Variants in CCT2 observed in about 807,000 individuals in gnomAD.
CCT2 encodes the protein chaperonin containing TCP1 subunit 2, also known as T-complex protein 1 subunit beta.
A neutral mutation model predicts 61.8 loss-of-function variants in CCT2; 18 were observed. The observed-to-expected ratio is 0.29, with a 90% CI of 0.20 to 0.43. The LOEUF (loss-of-function observed/expected upper bound fraction) is 0.43. Ranked by LOEUF, CCT2 falls within the 20% of genes least tolerant of loss-of-function variation. The pLI, the probability that CCT2 is intolerant of heterozygous loss-of-function variation, is 1.00. For synonymous variants in CCT2, 248 were observed against 215.9 expected (o/e 1.15, Z -1.30); for missense variants, 556 against 656.9 (o/e 0.85, Z 1.68).
intron 1 of CCT2, chr12:69,585,820 C>T (rs865844206): frequency 7.4e-7 from 1 of 1,343,966 alleles, no homozygotes. Flanking sequence ...GTGTGGGACC[C>T]GCTCCGCCCT....
At chr12:69,597,363 A>T in intron 11 of CCT2, 88 bp downstream of exon 11, 1 of 1,452,910 alleles carries the variant, frequency 6.9e-7, no homozygotes, top group Middle Eastern at 1.8e-4. Context: ...CTAGAATAGC[A>T]TATCTTACAA....
intron 10 of CCT2, 140 bp from the exon 11 acceptor site, chr12:69,597,016 A>G: frequency 1.6e-6 from 1 of 637,728 alleles, no homozygotes; most frequent in Non-Finnish European, 2.6e-6. Flanking sequence ...GTATTTAAAA[A>G]GAGTGCCAGG....
At position 69,593,085 on chromosome 12, in the gene CCT2, T is replaced by C. The variant is rs2135854953; in HGVS notation, c.860T>C (p.Ile287Thr). Residue 287 changes from isoleucine to threonine, a missense_variant, in exon 9 of 16, where the codon ATA becomes ACA. Ile to Thr is a moderately conservative substitution (Grantham distance 89). This residue lies in a region of CCT2 where 308 missense variants were observed against 350.6 expected (regional missense o/e 0.88). Coordinates refer to ENST00000299300, the MANE Select transcript of CCT2 (RefSeq NM_006431.3). Reference sequence around the variant, plus strand: ...GTTGAACGTATTCTTAAGCATGGAATAAATTGCTTTATTAACAGGTCTGTG... The same window carrying C: ...GTTGAACGTATTCTTAAGCATGGAACAAATTGCTTTATTAACAGGTCTGTG... Reference protein sequence around the residue: ...EKVERILKHGINCFINRQLIY... With the variant: ...EKVERILKHGTNCFINRQLIY... 6 of 1,613,500 alleles carry C rather than the reference T, an allele frequency of 3.7e-6. No individual in the cohort carries two copies. Among genetic ancestry groups the C allele is most frequent in the Non-Finnish European group, 4.2e-6 (5 of 1,179,550 alleles).
chr12:69,586,959 CAG>C (rs1486762639), intron 3 of CCT2, 141 bp downstream of exon 3: 2 of 537,604 alleles, frequency 3.7e-6, no homozygotes, highest in African/African-American at 2.0e-5. Context: ...TAGTAAAAAT[CAG>C]AGTCCCCAGA....
chr12:69,599,662 C>T (rs553491024), intron 14 of CCT2: 291 of 349,482 alleles, frequency 8.3e-4, no homozygotes, highest in African/African-American at 5.7e-3. Flanking sequence ...GCTGGGAGTA[C>T]AGATGTGAGC....
Position 69,601,489 on chromosome 12 carries a change from C to A in CCT2, c.*164C>A. On this transcript the variant is annotated 3_prime_UTR_variant, in exon 16 of 16. Coordinates refer to ENST00000299300, the MANE Select transcript of CCT2 (RefSeq NM_006431.3). ...TTTAACATAGGTCTAATTTATTTGC[C>A]GTGTCATTTTCCATACAAATCAGTT... 1.3e-6 allele frequency: 2 copies of A among 1,483,804 alleles called. No homozygotes were observed. Among genetic ancestry groups the A allele is most frequent in the South Asian group, 1.3e-5 (1 of 75,028 alleles). The allele number at this position is 1,483,804 out of a possible 1,614,324, so 91.9% of individuals were successfully genotyped here. A position where few individuals can be genotyped will look rare whatever the true frequency, so the allele number is the denominator to read the frequency against.
chr12:69,585,930 C>G, intron 1 of CCT2: 2 of 1,273,850 alleles, frequency 1.6e-6, no homozygotes, highest in Non-Finnish European at 2.0e-6. Flanking sequence ...CGTTCCCTCG[C>G]CCGCCCGGCA....
At chr12:69,600,103 T>A in intron 15 of CCT2, 99 bp downstream of exon 15, 1 of 1,122,350 alleles carries the variant, frequency 8.9e-7, no homozygotes, top group Non-Finnish European at 1.2e-6. Flanking sequence ...CAGAGACAGT[T>A]TTGCCTGGAT....
intron 10 of CCT2, 77 bp from the exon 11 acceptor site, chr12:69,597,079 C>G (rs1195884947): frequency 7.6e-7 from 1 of 1,308,032 alleles, no homozygotes; most frequent in South Asian, 1.3e-5. Flanking sequence ...CTATCATTAT[C>G]TATCCATTAC....
At chr12:69,591,440 T>G (rs1188765479) in intron 7 of CCT2, among the ~76,000 whole-genome samples, 1 of 152,158 alleles carries the variant, frequency 6.6e-6, no homozygotes, top group East Asian at 1.9e-4. Context: ...TTTATCTGAC[T>G]CCACGGTGTC....
chr12:69,601,144 A>G (rs926032283), intron 15 of CCT2, 151 bp from the exon 16 acceptor site: 5 of 627,346 alleles, frequency 8.0e-6, no homozygotes, highest in East Asian at 3.1e-5. Context: ...TTCAGTTTCA[A>G]TGTGAGTGTT....
At chr12:69,590,327 A>T (rs982908731) in intron 7 of CCT2, among the ~76,000 whole-genome samples, 1 of 152,116 alleles carries the variant, frequency 6.6e-6, no homozygotes, top group African/African-American at 2.4e-5. Flanking sequence ...ATACTGGGGG[A>T]TGACTAGTTT....
chr12:69,588,112 T>C, intron 5 of CCT2, 38 bp from the exon 6 acceptor site: 1 of 1,568,572 alleles, frequency 6.4e-7, no homozygotes, highest in Non-Finnish European at 8.8e-7. Flanking sequence ...CTTAATAATT[T>C]TCTATTTATA....
chr12:69,593,138 A>G, intron 9 of CCT2, 35 bp downstream of exon 9: 1 of 1,569,492 alleles, frequency 6.4e-7, no homozygotes, highest in Non-Finnish European at 8.7e-7. Flanking sequence ...ATTTTTTTCC[A>G]TGAAAGTTTA....
At chr12:69,592,189 A>AT in intron 8 of CCT2, 30 bp downstream of exon 8, 1 of 1,295,180 alleles carries the variant, frequency 7.7e-7, no homozygotes, top group Non-Finnish European at 1.1e-6. Flanking sequence ...AAAAATTAAA[A>AT]TTACTGCCCA....
intron 9 of CCT2, 52 bp from the exon 10 acceptor site, chr12:69,593,458 G>A (rs1440806493): frequency 8.3e-7 from 1 of 1,207,514 alleles, no homozygotes; most frequent in Non-Finnish European, 1.2e-6. Flanking sequence ...GTCTAATGTA[G>A]TTTATCTTGT....
At chr12:69,591,611 C>T (rs1881837555) in intron 7 of CCT2, among the ~76,000 whole-genome samples, 2 of 152,190 alleles carry the variant, frequency 1.3e-5, no homozygotes, top group African/African-American at 2.4e-5. Flanking sequence ...ACAAAAGTTT[C>T]AAAATACTGT....
At chr12:69,597,483 A>G (rs1158733491) in intron 11 of CCT2, among the ~76,000 whole-genome samples, 155 bp from the exon 12 acceptor site, 2 of 152,062 alleles carry the variant, frequency 1.3e-5, no homozygotes, top group African/African-American at 4.8e-5. Flanking sequence ...TTTTTCCTTG[A>G]TAACTTAGAA....
intron 1 of CCT2, chr12:69,585,932 C>A: frequency 7.9e-7 from 1 of 1,272,464 alleles, no homozygotes; most frequent in East Asian, 3.7e-5. Context: ...TTCCCTCGCC[C>A]GCCCGGCAGG....
Sources: allele counts gnomAD v4.1 joint callset (sites outside exome capture counted in the v4.1 genomes callset), GRCh38; gene constraint gnomAD v4.1.1; regional missense constraint gnomAD v4.1.1; transcripts MANE v1.5; gene names NCBI Gene and HGNC (gene_info 2026-07-23, HGNC 2026-07-21).